Variants in FRMPD4 observed in about 807,000 individuals in gnomAD.
FRMPD4 encodes FERM and PDZ domain-containing protein 4.
FRMPD4 carries 22 observed loss-of-function variants against 94.1 expected under a neutral mutation model. The observed-to-expected ratio is 0.23, with a 90% CI of 0.17 to 0.33. FRMPD4 has a LOEUF of 0.33. Ranked by LOEUF, FRMPD4 falls within the 10% of genes least tolerant of loss-of-function variation. The pLI, the probability that FRMPD4 is intolerant of heterozygous loss-of-function variation, is 1.00. For missense variants in FRMPD4, 1,111 were observed against 1,339.9 expected, an observed-to-expected ratio of 0.83 and a Z score of 2.67; for synonymous variants, 631 against 548.6, an observed-to-expected ratio of 1.15 and a Z score of -2.10.
intron 3 of FRMPD4, among the ~76,000 whole-genome samples, chrX:11,881,961 G>A (rs1468539692): frequency 1.8e-5 from 2 of 111,661 alleles, no homozygotes; most frequent in Non-Finnish European, 3.8e-5. Flanking sequence ...TGCAATGAAT[G>A]AGTTACAAAA....
chrX:12,034,410 G>A (rs764211330), intron 3 of FRMPD4, among the ~76,000 whole-genome samples: 93 of 111,886 alleles, frequency 8.3e-4, no homozygotes, highest in Non-Finnish European at 7.7e-4. Context: ...GTATTATAAG[G>A]GCTGCAAGTT....
intron 1 of FRMPD4, among the ~76,000 whole-genome samples, chrX:12,185,927 G>T (rs938855445): frequency 6.3e-5 from 7 of 111,590 alleles, no homozygotes; most frequent in Admixed American, 3.8e-4. Flanking sequence ...AAGGACAGAT[G>T]ATCTGCAGTC....
chrX:12,071,666 T>C (rs755918829), intron 3 of FRMPD4, among the ~76,000 whole-genome samples: 1 of 111,509 alleles, frequency 9.0e-6, no homozygotes, highest in African/African-American at 3.3e-5. Flanking sequence ...CTGCTCCCGC[T>C]TGTCTCCTTG....
intron 1 of FRMPD4, among the ~76,000 whole-genome samples, chrX:12,469,394 C>T (rs777701468): frequency 1.8e-5 from 2 of 110,962 alleles, no homozygotes; most frequent in Non-Finnish European, 3.8e-5. Context: ...GGATTACCGG[C>T]GCACACTGCC....
intron 3 of FRMPD4, among the ~76,000 whole-genome samples, chrX:12,020,567 G>A (rs896936181): frequency 2.7e-5 from 3 of 111,779 alleles, no homozygotes; most frequent in Non-Finnish European, 3.8e-5. Flanking sequence ...GCCTGGAAAT[G>A]GTGCACATTA....
At chrX:12,678,564 G>A (rs1406909293) in intron 5 of FRMPD4, among the ~76,000 whole-genome samples, 6 of 112,306 alleles carry the variant, frequency 5.3e-5, no homozygotes, top group Non-Finnish European at 1.1e-4. Context: ...GGTGGCTCAC[G>A]CCTGTAATCC....
At chrX:12,541,389 A>T (rs2058409716) in intron 2 of FRMPD4, among the ~76,000 whole-genome samples, 1 of 111,554 alleles carries the variant, frequency 9.0e-6, no homozygotes, top group African/African-American at 3.3e-5. Context: ...TAGATGCAAT[A>T]AAAAATGATA....
intron 1 of FRMPD4, among the ~76,000 whole-genome samples, chrX:12,426,450 A>G (rs769523663): frequency 1.8e-5 from 2 of 111,539 alleles, no homozygotes; most frequent in Non-Finnish European, 3.8e-5. Context: ...ATGGAATGGG[A>G]AAGAGATTAT....
At chrX:12,381,958 A>C (rs1003472277) in intron 1 of FRMPD4, among the ~76,000 whole-genome samples, 6 of 111,069 alleles carry the variant, frequency 5.4e-5, no homozygotes, top group Admixed American at 1.9e-4. Context: ...TGAGACTTTC[A>C]GAGGAGGAGG....
chrX:12,110,635 T>G (rs1166990755), intron 3 of FRMPD4, among the ~76,000 whole-genome samples: 1 of 111,475 alleles, frequency 9.0e-6, no homozygotes, highest in Non-Finnish European at 1.9e-5. Context: ...AAATTGTCCC[T>G]GTTTGCAGAT....
At chrX:12,364,099 A>T (rs938305267) in intron 1 of FRMPD4, among the ~76,000 whole-genome samples, 1 of 111,449 alleles carries the variant, frequency 9.0e-6, no homozygotes, top group East Asian at 2.8e-4. Context: ...CTCAAGATAG[A>T]TGAGGAATCA....
intron 1 of FRMPD4, among the ~76,000 whole-genome samples, chrX:12,271,839 T>C (rs1356904785): frequency 2.7e-5 from 3 of 112,186 alleles, no homozygotes; most frequent in Non-Finnish European, 5.6e-5. Context: ...TGAGAATCCA[T>C]TTAAAATGCA....
At chrX:12,085,236 A>T (rs1319314085) in intron 3 of FRMPD4, among the ~76,000 whole-genome samples, 1 of 112,465 alleles carries the variant, frequency 8.9e-6, no homozygotes, top group Non-Finnish European at 1.9e-5. Flanking sequence ...AAACATGTGT[A>T]TTTCTATTTT....
chrX:12,468,481 G>A (rs745769834), intron 1 of FRMPD4, among the ~76,000 whole-genome samples: 1 of 111,826 alleles, frequency 8.9e-6, no homozygotes, highest in Admixed American at 9.5e-5. Flanking sequence ...CTGTGCTGAT[G>A]GGAGTATTAA....
At chrX:12,567,626 G>A (rs1017258052) in intron 2 of FRMPD4, among the ~76,000 whole-genome samples, 2 of 111,818 alleles carry the variant, frequency 1.8e-5, no homozygotes, top group Non-Finnish European at 3.8e-5. Context: ...TACATGGTGA[G>A]CAGGGGTTCA....
At chrX:11,875,909 T>A (rs1250572236) in intron 2 of FRMPD4, among the ~76,000 whole-genome samples, 92 of 86,494 alleles carry the variant, frequency 1.1e-3, no homozygotes, top group Non-Finnish European at 1.6e-3. Flanking sequence ...GGAGTCTCGC[T>A]CTGTCGCCCA....
chrX:12,025,586 A>G (rs975035642), intron 3 of FRMPD4, among the ~76,000 whole-genome samples: 1 of 111,688 alleles, frequency 9.0e-6, no homozygotes, highest in South Asian at 3.8e-4. Flanking sequence ...ATGGGATGCC[A>G]CTTCCAAGAT....
intron 1 of FRMPD4, among the ~76,000 whole-genome samples, chrX:12,280,938 C>G (rs1475320046): frequency 2.7e-5 from 3 of 112,021 alleles, no homozygotes; most frequent in Non-Finnish European, 5.6e-5. Flanking sequence ...CAGAGTCATA[C>G]AAGGTCCTGA....
chrX:12,029,122 T>C (rs1398024451), intron 3 of FRMPD4, among the ~76,000 whole-genome samples: 2 of 112,506 alleles, frequency 1.8e-5, no homozygotes, highest in African/African-American at 6.5e-5. Flanking sequence ...TTCTTGTTGC[T>C]ACACGACCTT....
Sources: allele counts gnomAD v4.1 joint callset (sites outside exome capture counted in the v4.1 genomes callset), GRCh38; gene constraint gnomAD v4.1.1; transcripts MANE v1.5; gene names NCBI Gene and HGNC (gene_info 2026-07-23, HGNC 2026-07-21).